SLC41A3: variants seen among roughly 807,000 people sequenced by gnomAD.
SLC41A3 encodes the protein solute carrier family 41 member 3.
A neutral mutation model predicts 45.4 loss-of-function variants in SLC41A3; 44 were observed. The observed-to-expected ratio is 0.97, with a 90% CI of 0.76 to 1.25. SLC41A3 has a LOEUF of 1.25. Ranked by LOEUF, SLC41A3 falls within the 50% of genes most tolerant of loss-of-function variation. The probability of loss-of-function intolerance (pLI) is 0.00; values close to 1 mark genes in which losing one functional copy is unlikely to be tolerated. For missense variants in SLC41A3, 550 were observed against 600.6 expected (o/e 0.92, Z 0.88); for synonymous variants, 256 against 252.4 (o/e 1.01, Z -0.13).
At chr3:126,057,936 G>A (rs1576327388) in intron 2 of SLC41A3, 1 of 152,230 alleles carries the variant, frequency 6.6e-6, no homozygotes, top group East Asian at 1.9e-4. Context: ...AGAGAACAAA[G>A]TGGAAGAGAC....
intron 1 of SLC41A3, among the ~76,000 whole-genome samples, chr3:126,094,401 A>T (rs1945553192): frequency 6.6e-6 from 1 of 152,252 alleles, no homozygotes; most frequent in Non-Finnish European, 1.5e-5. Context: ...TAGAGAAATT[A>T]GTTACTGAAC....
intron 1 of SLC41A3, chr3:126,095,116 G>T: frequency 1.6e-6 from 1 of 606,502 alleles, no homozygotes; most frequent in Non-Finnish European, 2.9e-6. Flanking sequence ...TTGGTGGTGA[G>T]ATCCAATAAC....
At chr3:126,063,769 T>C (rs1386139974) in intron 2 of SLC41A3, among the ~76,000 whole-genome samples, 1 of 152,200 alleles carries the variant, frequency 6.6e-6, no homozygotes, top group Non-Finnish European at 1.5e-5. Context: ...TCTTGAAATA[T>C]AGAGCACCAG....
intron 6 of SLC41A3, 49 bp downstream of exon 6, chr3:126,022,737 G>GC (rs750260539): frequency 5.0e-6 from 8 of 1,607,762 alleles, no homozygotes; most frequent in African/African-American, 1.3e-5. Flanking sequence ...CTGCTCCAGG[G>GC]CCCCCCCTCC....
At chr3:126,091,655 G>A (rs1468854848) in intron 1 of SLC41A3, among the ~76,000 whole-genome samples, 1 of 152,138 alleles carries the variant, frequency 6.6e-6, no homozygotes, top group Non-Finnish European at 1.5e-5. Flanking sequence ...TTAAAAAGTT[G>A]TCAGACTCTT....
At chr3:126,057,096 C>T (rs1576325630) in intron 2 of SLC41A3, 23 of 988,502 alleles carry the variant, frequency 2.3e-5, no homozygotes, top group Non-Finnish European at 2.5e-5. Flanking sequence ...CACAGAGGGA[C>T]TGCCTCCTCA....
At chr3:126,020,872 T>G (rs1459641644) in intron 6 of SLC41A3, among the ~76,000 whole-genome samples, 1 of 152,042 alleles carries the variant, frequency 6.6e-6, no homozygotes, top group African/African-American at 2.4e-5. Context: ...ATCAGGTGTG[T>G]TGTTTGCTTC....
intron 4 of SLC41A3, among the ~76,000 whole-genome samples, chr3:126,028,157 G>A (rs1941512197): frequency 6.6e-6 from 1 of 152,202 alleles, no homozygotes; most frequent in Non-Finnish European, 1.5e-5. Flanking sequence ...ATAAAAAGGA[G>A]CCAAGTGCTA....
At chr3:126,074,343 C>A (rs1029000494) in intron 1 of SLC41A3, among the ~76,000 whole-genome samples, 2 of 151,796 alleles carry the variant, frequency 1.3e-5, no homozygotes, top group Non-Finnish European at 2.9e-5. Flanking sequence ...ACAAACTTAG[C>A]GAGAGTCTGA....
Position 126,006,478 on chromosome 3 carries a change from T to C in SLC41A3, c.*538A>G, listed in dbSNP as rs759046685. ...AGCAAGGACACGATTAAATGTTGAG[T>C]GCAGATGAAGGGTTGTATGAGGCCC... is the stretch of plus-strand genomic sequence containing the variant. On this transcript the variant is annotated 3_prime_UTR_variant, in exon 11 of 11. Coordinates refer to ENST00000360370, the MANE Select transcript of SLC41A3 (RefSeq NM_017836.4). 6.2e-7 allele frequency: 1 copy of C among 1,614,034 alleles called. No individual in the cohort carries two copies. Among genetic ancestry groups the C allele is most frequent in the East Asian group, 2.2e-5 (1 of 44,886 alleles).
chr3:126,026,565 G>A lies in SLC41A3; in HGVS notation c.454-86C>T. The A allele has an allele frequency of 6.6e-7, 1 of 1,506,856 alleles. No homozygotes were observed. The highest frequency in any genetic ancestry group is 2.1e-5 in the Admixed American group (1 of 48,160). 93.3% of individuals were successfully genotyped at this position (1,506,856 alleles called of 1,614,324 possible). A position where few individuals can be genotyped will look rare whatever the true frequency, so the allele number is the denominator to read the frequency against. ...CCTTCACACCTCACTCACCGCAAGG[G>A]GCCGGGTGCCACATGCTACTGCCTC... On this transcript the variant is annotated intron_variant, in intron 4 of 10. Coordinates refer to ENST00000360370, the MANE Select transcript of SLC41A3 (RefSeq NM_017836.4). This position sits in a 1 kb window ranked among gnomAD's most constrained non-coding sequence, Gnocchi z 4.2.
upstream of SLC41A3, among the ~76,000 whole-genome samples, chr3:126,085,095 A>G (rs1403463622): frequency 3.3e-5 from 5 of 152,182 alleles, no homozygotes; most frequent in Non-Finnish European, 7.3e-5. Flanking sequence ...GACAAACTCA[A>G]CCAATTGTCA....
chr3:126,051,012 T>C lies in SLC41A3; in HGVS notation c.312A>G (p.Thr104=), dbSNP rs1479416498. 5 of 1,611,936 alleles carry C rather than the reference T, an allele frequency of 3.1e-6. No homozygotes were observed. Among genetic ancestry groups the C allele is most frequent in the Non-Finnish European group, 4.2e-6 (5 of 1,179,078 alleles). The change falls in exon 3 of 11, where the codon ACA becomes ACG. Residue 104 remains threonine (T), a synonymous_variant. Coordinates refer to ENST00000360370, the MANE Select transcript of SLC41A3 (RefSeq NM_017836.4). ...TCAGGCCCACCAGGGGCGGCACCAA[T>C]GTCAAAAGGTCTTTCACCTCCACAA... ...PVFVEVKDLL[T]LVPPLVGLKG... is the part of the protein sequence containing the mutation.
chr3:126,087,753 G>A (rs1244735193), upstream of SLC41A3, among the ~76,000 whole-genome samples: 1 of 151,390 alleles, frequency 6.6e-6, no homozygotes, highest in Non-Finnish European at 1.5e-5. Flanking sequence ...GTTGTGAATG[G>A]TCTATGTAAG....
intron 3 of SLC41A3, among the ~76,000 whole-genome samples, chr3:126,043,992 C>G (rs2107832836): frequency 6.6e-6 from 1 of 152,092 alleles, no homozygotes; most frequent in Admixed American, 6.5e-5. Context: ...CAAAAACTAG[C>G]AGAATGGATT....
At chr3:126,073,089 C>T (rs572093632) in intron 1 of SLC41A3, 1 of 152,240 alleles carries the variant, frequency 6.6e-6, no homozygotes, top group Admixed American at 6.5e-5. Flanking sequence ...AAGAAGGGAA[C>T]AACAGACACC....
intron 9 of SLC41A3, among the ~76,000 whole-genome samples, chr3:126,009,693 A>G (rs1394995977): frequency 6.6e-6 from 1 of 152,260 alleles, no homozygotes; most frequent in East Asian, 1.9e-4. Flanking sequence ...GAGCAACGAC[A>G]TCTATTCATG....
intron 7 of SLC41A3, 142 bp from the exon 8 acceptor site, chr3:126,015,715 C>T (rs939332329): frequency 8.5e-5 from 65 of 760,308 alleles, no homozygotes; most frequent in Admixed American, 2.7e-4. Context: ...ATATCTGCTG[C>T]GGCCAAACTG....
chr3:126,007,161 G>T lies in SLC41A3; in HGVS notation c.1319C>A (p.Pro440His), dbSNP rs773849454. Residue 440 changes from proline (P) to histidine (H), a missense_variant, in exon 11 of 11, where the codon CCT becomes CAT. Physicochemically the swap from Pro to His is moderately conservative, Grantham distance 77 (BLOSUM62 -2). Transcript: ENST00000360370. The stretch of plus-strand genomic sequence containing the variant: ...AAGGTAGGGGATGCAGTGGTTGTCA[G>T]GATCCAGGGCCTGGTGCCAAGTCAG... ...VRLTWHQALDPDNHCIPYLTG... is the reference protein window; with the variant it reads ...VRLTWHQALDHDNHCIPYLTG... The T allele has an allele frequency of 1.2e-6, 2 of 1,614,130 alleles. No individual in the cohort carries two copies. The highest frequency in any genetic ancestry group is 2.7e-5 in the African/African-American group (2 of 74,940).
Sources: allele counts gnomAD v4.1 joint callset (sites outside exome capture counted in the v4.1 genomes callset), GRCh38; gene constraint gnomAD v4.1.1; non-coding constraint Gnocchi (gnomAD v3.1); transcripts MANE v1.5; gene names NCBI Gene and HGNC (gene_info 2026-07-23, HGNC 2026-07-21).